NRXN1: variants seen among roughly 807,000 people sequenced by gnomAD.
NRXN1 encodes the protein neurexin 1.
NRXN1 carries 39 observed loss-of-function variants against 150.9 expected under a neutral mutation model. The observed-to-expected ratio is 0.26, with a 90% confidence interval of 0.20 to 0.34. NRXN1 has a LOEUF of 0.34. NRXN1 is among the 10% of genes least tolerant of loss of function. NRXN1 has a pLI of 1.00. For synonymous variants in NRXN1, 924 were observed against 757.0 expected (o/e 1.22, Z -3.62); for missense variants, 1,815 against 1,949.9 (o/e 0.93, Z 1.30).
intron 7 of NRXN1, among the ~76,000 whole-genome samples, chr2:50,620,785 G>A (rs1219638494): frequency 2.0e-5 from 3 of 152,092 alleles, no homozygotes; most frequent in Admixed American, 2.0e-4. Flanking sequence ...AGAAAACAGG[G>A]AGAACCAAAG....
intron 17 of NRXN1, among the ~76,000 whole-genome samples, chr2:50,463,097 G>C (rs1295734363): frequency 1.3e-5 from 2 of 151,714 alleles, no homozygotes; most frequent in East Asian, 3.9e-4. Context: ...TATTTTAAAA[G>C]AAAAATCAGC....
intron 15 of NRXN1, among the ~76,000 whole-genome samples, chr2:50,477,438 G>A (rs1170357821): frequency 5.3e-5 from 8 of 152,140 alleles, no homozygotes; most frequent in African/African-American, 1.4e-4. Context: ...CTTAGGGAAC[G>A]GAGGTTGGAG....
chr2:50,747,861 C>G (rs868678232), intron 5 of NRXN1, among the ~76,000 whole-genome samples: 2 of 152,086 alleles, frequency 1.3e-5, no homozygotes, highest in South Asian at 4.1e-4. Context: ...TGTGGTTGAG[C>G]AACTTGCCCA....
At chr2:50,706,700 C>T (rs530907058) in intron 5 of NRXN1, among the ~76,000 whole-genome samples, 2 of 152,120 alleles carry the variant, frequency 1.3e-5, no homozygotes, top group East Asian at 3.9e-4. Flanking sequence ...CATAAGAAAT[C>T]TATAAAATGT....
intron 17 of NRXN1, among the ~76,000 whole-genome samples, chr2:50,392,550 A>C (rs1468315693): frequency 1.3e-5 from 2 of 152,144 alleles, no homozygotes; most frequent in Non-Finnish European, 2.9e-5. Flanking sequence ...AAATATCATA[A>C]ATCAGTTCTA....
At chr2:50,115,792 A>G (rs1242984798) in intron 18 of NRXN1, among the ~76,000 whole-genome samples, 1 of 152,110 alleles carries the variant, frequency 6.6e-6, no homozygotes, top group Non-Finnish European at 1.5e-5. Flanking sequence ...CAACACTACT[A>G]GTCTATCTCC....
At chr2:50,546,428 C>T (rs1464088060) in intron 9 of NRXN1, among the ~76,000 whole-genome samples, 2 of 152,166 alleles carry the variant, frequency 1.3e-5, no homozygotes, top group Non-Finnish European at 2.9e-5. Context: ...AAAAGCTCTG[C>T]TCTGAATCTT....
intron 21 of NRXN1, among the ~76,000 whole-genome samples, chr2:50,015,921 A>T (rs893077596): frequency 6.6e-6 from 1 of 152,166 alleles, no homozygotes; most frequent in African/African-American, 2.4e-5. Context: ...CTCCAAGGAG[A>T]TGGAATTTCC....
intron 18 of NRXN1, among the ~76,000 whole-genome samples, chr2:50,100,924 G>T (rs1523355): frequency 0.57 from 86,118 of 151,724 alleles, 25,524 homozygotes; most frequent in African/African-American, 0.73. Flanking sequence ...GTGGCCTATG[G>T]AACCTTCTTA....
chr2:50,323,571 CTA>C (rs149609146), intron 17 of NRXN1, among the ~76,000 whole-genome samples: 4,264 of 143,962 alleles, frequency 0.03, 185 homozygotes, highest in African/African-American at 0.094. Context: ...GGGAAATAAA[CTA>C]TATATATATA....
At chr2:50,235,427 G>C (rs1281981911) in intron 18 of NRXN1, among the ~76,000 whole-genome samples, 2 of 152,066 alleles carry the variant, frequency 1.3e-5, no homozygotes, top group Non-Finnish European at 1.5e-5. Flanking sequence ...TAATGGCTGT[G>C]CTGAGGGGTT....
At chr2:50,681,854 C>A (rs4566395) in intron 5 of NRXN1, among the ~76,000 whole-genome samples, 4,086 of 143,660 alleles carry the variant, frequency 0.028, 258 homozygotes, top group East Asian at 0.17. Context: ...TACCTCATGG[C>A]TGGAAATCAG....
intron 18 of NRXN1, among the ~76,000 whole-genome samples, chr2:50,223,142 G>C (rs181338107): frequency 5.5e-4 from 83 of 151,780 alleles, no homozygotes; most frequent in Non-Finnish European, 9.6e-4. Flanking sequence ...CTAGTCTATT[G>C]AATCTAGTTT....
chr2:50,451,385 T>G (rs1452020672), intron 17 of NRXN1, among the ~76,000 whole-genome samples: 1 of 152,214 alleles, frequency 6.6e-6, no homozygotes, highest in Non-Finnish European at 1.5e-5. Context: ...AACCATCATT[T>G]TTAAAGTCTG....
intron 17 of NRXN1, among the ~76,000 whole-genome samples, chr2:50,313,908 G>T (rs2075377780): frequency 6.6e-6 from 1 of 152,040 alleles, no homozygotes; most frequent in Admixed American, 6.6e-5. Flanking sequence ...GTCATGGGGA[G>T]CTCTGCTGTA....
intron 9 of NRXN1, among the ~76,000 whole-genome samples, chr2:50,541,657 A>G (rs2093391651): frequency 6.6e-6 from 1 of 151,932 alleles, no homozygotes; most frequent in Non-Finnish European, 1.5e-5. Context: ...AGAGACCACA[A>G]TTTTCAAATA....
rs528637244 is a variant in NRXN1 at position 50,351,813 on chromosome 2, A to G, written c.3364+113629T>C. 4.5e-4 allele frequency among the ~76,000 whole-genome samples: 69 copies of G among 152,250 alleles called. 2 individuals are homozygous for G. Among genetic ancestry groups the G allele is most frequent in the Non-Finnish European group, 1.8e-4 (12 of 68,000 alleles). On this transcript the variant is annotated intron_variant, in intron 17 of 22. Transcript: ENST00000401669. Reference sequence around the variant, plus strand: ...ATGGTGAGGTGGGTGCTGTCGTTGAAATACTGTCATATTTGCTTCAGGAAA... The same window carrying G: ...ATGGTGAGGTGGGTGCTGTCGTTGAGATACTGTCATATTTGCTTCAGGAAA...
chr2:50,767,187 G>C (rs1421384650), intron 5 of NRXN1, among the ~76,000 whole-genome samples: 8 of 152,024 alleles, frequency 5.3e-5, no homozygotes, highest in Admixed American at 3.3e-4. Context: ...GACATTCTTG[G>C]AGTATATGCC....
At chr2:50,052,030 A>G (rs1692792217) in intron 21 of NRXN1, among the ~76,000 whole-genome samples, 1 of 152,000 alleles carries the variant, frequency 6.6e-6, no homozygotes, top group Non-Finnish European at 1.5e-5. Flanking sequence ...TTTTCTCTTC[A>G]TCTATTCTGT....
Sources: allele counts gnomAD v4.1 joint callset (sites outside exome capture counted in the v4.1 genomes callset), GRCh38; gene constraint gnomAD v4.1.1; transcripts MANE v1.5; gene names NCBI Gene and HGNC (gene_info 2026-07-23, HGNC 2026-07-21).